ROBO2: variants seen among roughly 807,000 people sequenced by gnomAD.
ROBO2 encodes the protein roundabout guidance receptor 2.
ROBO2 carries 53 observed loss-of-function variants against 160.8 expected under a neutral mutation model. The observed-to-expected ratio is 0.33, with a 90% CI of 0.26 to 0.41. The LOEUF (loss-of-function observed/expected upper bound fraction) is 0.41. Among genes scored for constraint, ROBO2 ranks in the 10% least tolerant of loss-of-function variants. The pLI, the probability that ROBO2 is intolerant of heterozygous loss-of-function variation, is 1.00. For missense variants in ROBO2, 1,577 were observed against 1,722.4 expected (o/e 0.92, Z 1.49); for synonymous variants, 664 against 611.7 (o/e 1.09, Z -1.26).
intron 2 of ROBO2, among the ~76,000 whole-genome samples, chr3:76,040,101 A>G (rs1004467198): frequency 6.6e-6 from 1 of 151,982 alleles, no homozygotes; most frequent in Non-Finnish European, 1.5e-5. Context: ...ATAGATTTAT[A>G]AGTGTAGTTC....
chr3:77,118,755 A>G (rs7641167), intron 2 of ROBO2, among the ~76,000 whole-genome samples: 31,246 of 152,182 alleles, frequency 0.21, 5,020 homozygotes, highest in African/African-American at 0.44. Flanking sequence ...GATATGTTTT[A>G]AGAAATGAGA....
At chr3:76,589,204 T>C (rs2086251248) in intron 2 of ROBO2, among the ~76,000 whole-genome samples, 1 of 152,208 alleles carries the variant, frequency 6.6e-6, no homozygotes, top group Non-Finnish European at 1.5e-5. Flanking sequence ...TATCAAAACA[T>C]CGCTCTGTAT....
chr3:76,808,772 A>T (rs17816878), intron 2 of ROBO2, among the ~76,000 whole-genome samples: 2,127 of 152,246 alleles, frequency 0.014, 68 homozygotes, highest in South Asian at 0.12. Flanking sequence ...GGAGCAAGTG[A>T]TGAATTCGGA....
At chr3:77,048,443 G>C (rs2064906999) in intron 1 of ROBO2, among the ~76,000 whole-genome samples, 1 of 152,174 alleles carries the variant, frequency 6.6e-6, no homozygotes. Flanking sequence ...GTAAACAAGA[G>C]AGGAATCACA....
chr3:77,228,822 T>C (rs2086810834), intron 2 of ROBO2, among the ~76,000 whole-genome samples: 1 of 152,204 alleles, frequency 6.6e-6, no homozygotes, highest in South Asian at 2.1e-4. Flanking sequence ...GACCCAATTA[T>C]GTCTGATCTC....
At chr3:76,277,206 T>C (rs559626090) in intron 2 of ROBO2, among the ~76,000 whole-genome samples, 48 of 152,104 alleles carry the variant, frequency 3.2e-4, no homozygotes, top group African/African-American at 1.2e-3. Context: ...TAGTAAAATA[T>C]ATGATATAAC....
chr3:76,423,331 C>T (rs1460961671), intron 2 of ROBO2, among the ~76,000 whole-genome samples: 2 of 152,136 alleles, frequency 1.3e-5, no homozygotes, highest in African/African-American at 4.8e-5. Context: ...CAAACATAAA[C>T]AGAACATTTA....
chr3:76,120,896 A>G (rs142456672), intron 2 of ROBO2, among the ~76,000 whole-genome samples: 14 of 152,310 alleles, frequency 9.2e-5, no homozygotes, highest in African/African-American at 3.4e-4. Context: ...TGCCTGCAAT[A>G]TAAATACTTA....
chr3:77,281,237 C>A (rs1166002286), intron 2 of ROBO2, among the ~76,000 whole-genome samples: 1 of 152,218 alleles, frequency 6.6e-6, no homozygotes, highest in Non-Finnish European at 1.5e-5. Context: ...CAAATTTTTA[C>A]TCTGAAGCTT....
intron 2 of ROBO2, among the ~76,000 whole-genome samples, chr3:75,986,837 A>G (rs535284730): frequency 1.3e-5 from 2 of 151,416 alleles, no homozygotes; most frequent in South Asian, 2.1e-4. Context: ...GTTCTTTCCC[A>G]CATTCAATGG....
intron 2 of ROBO2, among the ~76,000 whole-genome samples, chr3:77,295,499 C>T (rs976951655): frequency 4.4e-5 from 6 of 135,240 alleles, no homozygotes; most frequent in Non-Finnish European, 9.5e-5. Context: ...CTAGATCACC[C>T]CAGACATAAA....
intron 2 of ROBO2, among the ~76,000 whole-genome samples, chr3:76,180,212 T>G (rs1411101542): frequency 6.6e-6 from 1 of 152,158 alleles, no homozygotes; most frequent in African/African-American, 2.4e-5. Flanking sequence ...ATAATGTCCA[T>G]CCCTCACCCA....
chr3:76,554,980 A>C (rs2083619400), intron 2 of ROBO2, among the ~76,000 whole-genome samples: 2 of 152,148 alleles, frequency 1.3e-5, no homozygotes, highest in South Asian at 2.1e-4. Flanking sequence ...CAACAAAAGC[A>C]TGTGGTTAAA....
chr3:77,342,686 C>T (rs531387361), intron 2 of ROBO2, among the ~76,000 whole-genome samples: 1 of 152,096 alleles, frequency 6.6e-6, no homozygotes, highest in Non-Finnish European at 1.5e-5. Context: ...TTTCATTTGC[C>T]TCCTTTTGTG....
intron 2 of ROBO2, among the ~76,000 whole-genome samples, chr3:76,049,177 C>T (rs977649965): frequency 2.6e-5 from 4 of 151,566 alleles, no homozygotes; most frequent in Non-Finnish European, 5.9e-5. Context: ...CCCCCTTTTC[C>T]GTTTAATCTT....
intron 2 of ROBO2, among the ~76,000 whole-genome samples, chr3:76,290,701 G>T (rs561684368): frequency 1.3e-5 from 2 of 152,106 alleles, no homozygotes; most frequent in East Asian, 3.9e-4. Context: ...TTCCTTTGAT[G>T]CCTAGTTTGT....
chr3:76,228,852 T>C (rs892339125), intron 2 of ROBO2, among the ~76,000 whole-genome samples: 3 of 152,148 alleles, frequency 2.0e-5, no homozygotes, highest in Admixed American at 6.6e-5. Context: ...TTTCAAAATA[T>C]CCTTAAAAAA....
chr3:76,209,440 T>G (rs1216090457), intron 2 of ROBO2, among the ~76,000 whole-genome samples: 1 of 152,196 alleles, frequency 6.6e-6, no homozygotes, highest in Non-Finnish European at 1.5e-5. Context: ...ATGCAGCCAG[T>G]ACATTATATA....
chr3:76,067,878 T>G (rs780793517), intron 2 of ROBO2, among the ~76,000 whole-genome samples: 1 of 152,190 alleles, frequency 6.6e-6, no homozygotes, highest in Admixed American at 6.5e-5. Context: ...TTACTGAGCA[T>G]GTAATATGTG....
Sources: allele counts gnomAD v4.1 joint callset (sites outside exome capture counted in the v4.1 genomes callset), GRCh38; gene constraint gnomAD v4.1.1; transcripts MANE v1.5; gene names NCBI Gene and HGNC (gene_info 2026-07-23, HGNC 2026-07-21).